Variants in ZBTB4 observed in about 807,000 individuals in gnomAD.
ZBTB4 encodes zinc finger and BTB domain-containing protein 4.
A neutral mutation model predicts 59.8 loss-of-function variants in ZBTB4; 14 were observed. The observed-to-expected ratio is 0.23, with a 90% CI of 0.15 to 0.37. The LOEUF (loss-of-function observed/expected upper bound fraction) is 0.37, where lower values mean the gene tolerates loss of function less well. ZBTB4 is among the 10% of genes least tolerant of loss of function. The probability of loss-of-function intolerance (pLI) is 1.00; values close to 1 mark genes in which losing one functional copy is unlikely to be tolerated. For missense variants in ZBTB4, 1,198 were observed against 1,380.8 expected (o/e 0.87, Z 2.10); for synonymous variants, 587 against 575.2 (o/e 1.02, Z -0.29).
chr17:7,472,745 G>T (rs1370030949), intron 1 of ZBTB4, among the ~76,000 whole-genome samples: 1 of 139,454 alleles, frequency 7.2e-6, no homozygotes, highest in African/African-American at 2.7e-5. Flanking sequence ...AGGCTCTCAT[G>T]ACCTCCCACC....
rs553627705 is a variant in ZBTB4, at chr17:7,464,036, C to T, written c.1092-146G>A. ...CTCCCTCACCAGGCCAGCCTCAGTG[C>T]AGGGTGCCCGTCTGAGCTCAGTGCC... On this transcript the variant is annotated intron_variant, in intron 3 of 3. Coordinates refer to ENST00000380599, the MANE Select transcript of ZBTB4 (RefSeq NM_001128833.2). The T allele has an allele frequency of 2.1e-6, 3 of 1,402,164 alleles. No individual in the cohort carries two copies. In the African/African-American group the frequency reaches 4.3e-5, roughly 20 times the overall value. 86.9% of individuals were successfully genotyped at this position (1,402,164 alleles called of 1,614,324 possible).
chr17:7,464,382 C>T (rs1197537710), intron 3 of ZBTB4, among the ~76,000 whole-genome samples: 2 of 144,884 alleles, frequency 1.4e-5, no homozygotes, highest in Admixed American at 7.0e-5. Context: ...GCCAAGATTG[C>T]ACCACTGCAC....
chr17:7,463,647 T>A lies in ZBTB4; in HGVS notation c.1335A>T (p.Thr445=). 1 of 1,611,446 alleles carries A rather than the reference T, an allele frequency of 6.2e-7. No homozygotes were observed. The highest frequency in any genetic ancestry group is 2.2e-5 in the East Asian group (1 of 44,830). The stretch of plus-strand genomic sequence containing the variant: ...TGGCTGGCATTGCCACAGGGGCCGG[T>A]GTGTTGAGGGTTGGAGAAAGGGGAG... ...PEAPLSPTLN[T]PAPVAMPASP... The change falls in exon 4 of 4, where the codon ACA becomes ACT. Residue 445 remains threonine, a synonymous_variant. Transcript: ENST00000380599.
upstream of ZBTB4, chr17:7,482,590 G>A (rs554288326): frequency 2.7e-4 from 436 of 1,612,192 alleles, 4 homozygotes; most frequent in South Asian, 4.5e-3. Context: ...GAGGACTGGC[G>A]CTGTCCCTGG....
upstream of ZBTB4, chr17:7,481,444 A>C: frequency 7.1e-7 from 1 of 1,402,292 alleles, no homozygotes; most frequent in Non-Finnish European, 9.3e-7. Flanking sequence ...CACTCCAACC[A>C]TGTCACAATG....
At chr17:7,478,246 A>G (rs2070296375) in intron 1 of ZBTB4, among the ~76,000 whole-genome samples, 1 of 151,806 alleles carries the variant, frequency 6.6e-6, no homozygotes, top group Non-Finnish European at 1.5e-5. Context: ...CAAACACACA[A>G]CCTTCCCCTC....
At chr17:7,471,721 C>T (rs377111885) in intron 1 of ZBTB4, among the ~76,000 whole-genome samples, 1 of 152,124 alleles carries the variant, frequency 6.6e-6, no homozygotes, top group Non-Finnish European at 1.5e-5. Context: ...TTTGTCCATA[C>T]GGTGGGGACA....
upstream of ZBTB4, chr17:7,482,886 T>C: frequency 6.2e-7 from 1 of 1,611,960 alleles, no homozygotes; most frequent in African/African-American, 1.3e-5. Context: ...TATTATATGC[T>C]CCATGAGACT....
At chr17:7,469,941 A>C (rs1206385971) in intron 1 of ZBTB4, among the ~76,000 whole-genome samples, 1 of 151,822 alleles carries the variant, frequency 6.6e-6, no homozygotes, top group Non-Finnish European at 1.5e-5. Context: ...AATTAGCCGG[A>C]CGTGGTGGCA....
At chr17:7,468,615 C>T (rs936504657) in intron 1 of ZBTB4, among the ~76,000 whole-genome samples, 7 of 152,258 alleles carry the variant, frequency 4.6e-5, no homozygotes, top group African/African-American at 1.7e-4. Flanking sequence ...GAGCAGAGCT[C>T]TCCGGACCCT....
At chr17:7,481,930 G>T, upstream of ZBTB4, 2 of 1,542,286 alleles carry the variant, frequency 1.3e-6, no homozygotes, top group Non-Finnish European at 1.7e-6. Flanking sequence ...CATCTGCCCT[G>T]CCCCAGGTCG....
upstream of ZBTB4, among the ~76,000 whole-genome samples, chr17:7,480,665 A>G (rs8076642): frequency 0.52 from 79,537 of 151,780 alleles, 21,953 homozygotes; most frequent in East Asian, 0.7. Flanking sequence ...GCTTGCAGTG[A>G]GCCGAGATCT....
upstream of ZBTB4, chr17:7,481,651 C>G: frequency 1.4e-6 from 1 of 696,692 alleles, no homozygotes; most frequent in Non-Finnish European, 2.3e-6. Flanking sequence ...ACCCAGATGT[C>G]TCTGGAACCT....
intron 1 of ZBTB4, among the ~76,000 whole-genome samples, chr17:7,474,430 G>T (rs1003441606): frequency 6.6e-6 from 1 of 151,966 alleles, no homozygotes. Flanking sequence ...TGTTGCCCAG[G>T]TTGGTCTCGA....
chr17:7,471,389 G>A (rs764055143), intron 1 of ZBTB4, among the ~76,000 whole-genome samples: 5 of 152,126 alleles, frequency 3.3e-5, no homozygotes, highest in Admixed American at 6.6e-5. Context: ...GTCTTGCCAC[G>A]TTGCCCAGGC....
chr17:7,466,028 T>G lies in ZBTB4; in HGVS notation c.774A>C (p.Arg258=). Residue 258 remains arginine (R), a synonymous_variant, in exon 3 of 4, where the codon CGA becomes CGC. Transcript: ENST00000380599. This position sits in a 1 kb window ranked among gnomAD's most constrained non-coding sequence, Gnocchi z 9.1. ...CTGTAGACCCCCGCGTGCTGGCCCC[T>G]CGTCGGCACTGGGCCTCATGGGTCT... ...RLQTHEAQCR[R]GASTRGSTGL... is the part of the protein sequence containing the mutation. The G allele has an allele frequency of 6.2e-7, 1 of 1,608,070 alleles. No individual in the cohort carries two copies. The highest frequency in any genetic ancestry group is 8.5e-7 in the Non-Finnish European group (1 of 1,176,460).
In ZBTB4 at chr17:7,462,489, T is replaced by C; in HGVS notation, c.2493A>G (p.Ala831=). Residue 831 remains alanine, a synonymous_variant, in exon 4 of 4, where the codon GCA becomes GCG. Coordinates refer to ENST00000380599, the MANE Select transcript of ZBTB4 (RefSeq NM_001128833.2). The surrounding 1 kb of genome is among the most constrained non-coding windows in gnomAD (Gnocchi z 7.5). ...CCTCAGCAGCAGTGCTCCCGCCACC[T>C]GCCTCACCGCTGGATGAGGAGACTT... is the stretch of plus-strand genomic sequence containing the variant. ...EMQVSSSSGE[A]GGGSTAAEEA... The C allele has an allele frequency of 6.2e-7, 1 of 1,613,980 alleles. No individual in the cohort carries two copies.
intron 3 of ZBTB4, 98 bp downstream of exon 3, chr17:7,465,613 A>C (rs2070108627): frequency 6.9e-7 from 1 of 1,450,694 alleles, no homozygotes; most frequent in Non-Finnish European, 9.1e-7. Context: ...GTTTCAGGAT[A>C]ACTTTCTAGG....
Position 7,460,304 on chromosome 17 carries a change from T to C in ZBTB4, c.*1636A>G, listed in dbSNP as rs560430262. ...GGGAGCCTGTCTAAAACCTCCCCTT[T>C]TGTATATGCTGGGAGGGTATGAGGG... On this transcript the variant is annotated 3_prime_UTR_variant, in exon 4 of 4. Coordinates refer to ENST00000380599, the MANE Select transcript of ZBTB4 (RefSeq NM_001128833.2). 9.2e-5 allele frequency: 14 copies of C among 152,710 alleles called. No individual in the cohort carries two copies. The highest frequency in any genetic ancestry group is 2.9e-4 in the African/African-American group (12 of 41,564). 9.5% of individuals were successfully genotyped at this position (152,710 alleles called of 1,614,324 possible). A position where few individuals can be genotyped will look rare whatever the true frequency, so the allele number is the denominator to read the frequency against.
Sources: allele counts gnomAD v4.1 joint callset (sites outside exome capture counted in the v4.1 genomes callset), GRCh38; gene constraint gnomAD v4.1.1; non-coding constraint Gnocchi (gnomAD v3.1); transcripts MANE v1.5; gene names NCBI Gene and HGNC (gene_info 2026-07-23, HGNC 2026-07-21).